DOCK3: variants seen among roughly 807,000 people sequenced by gnomAD.
The protein encoded by DOCK3 is dedicator of cytokinesis protein 3.
Under a neutral mutation model 265.6 loss-of-function variants are expected in DOCK3, and 60 were observed. That is an observed-to-expected ratio of 0.23 (90% CI 0.18 to 0.28). The LOEUF is 0.28. Ranked by LOEUF, DOCK3 falls within the 10% of genes least tolerant of loss-of-function variation. The pLI, the probability that DOCK3 is intolerant of heterozygous loss-of-function variation, is 1.00. For synonymous variants in DOCK3, 881 were observed against 938.0 expected, an observed-to-expected ratio of 0.94 and a Z score of 1.11; for missense variants, 1,981 against 2,594.3, an observed-to-expected ratio of 0.76 and a Z score of 5.14.
chr3:50,848,329 G>A (rs570440235), intron 3 of DOCK3, among the ~76,000 whole-genome samples: 1 of 152,268 alleles, frequency 6.6e-6, no homozygotes, highest in African/African-American at 2.4e-5. Flanking sequence ...GCGATGTTTT[G>A]ATCCTATCGT....
At chr3:50,907,986 A>G (rs1418879331) in intron 4 of DOCK3, among the ~76,000 whole-genome samples, 1 of 151,934 alleles carries the variant, frequency 6.6e-6, no homozygotes, top group African/African-American at 2.4e-5. Context: ...CATTTCTTCT[A>G]GATTTTCTAG....
intron 24 of DOCK3, 50 bp from the exon 25 acceptor site, chr3:51,275,029 T>C: frequency 6.2e-7 from 1 of 1,611,070 alleles, no homozygotes; most frequent in Non-Finnish European, 8.5e-7. Context: ...CTTCCTGCAG[T>C]AGCTAGTTCT....
intron 2 of DOCK3, among the ~76,000 whole-genome samples, chr3:50,805,543 G>C (rs2106662266): frequency 6.6e-6 from 1 of 152,328 alleles, no homozygotes; most frequent in South Asian, 2.1e-4. Flanking sequence ...GCACACCGCT[G>C]CTTAGCTGAC....
At chr3:51,294,474 C>T (rs1217688585) in intron 27 of DOCK3, among the ~76,000 whole-genome samples, 8 of 151,902 alleles carry the variant, frequency 5.3e-5, no homozygotes, top group Admixed American at 1.3e-4. Flanking sequence ...GTCAGGAGAT[C>T]GAGACCATCC....
intron 23 of DOCK3, among the ~76,000 whole-genome samples, chr3:51,268,309 CAG>C (rs2080309774): frequency 1.3e-5 from 2 of 152,146 alleles, no homozygotes; most frequent in South Asian, 4.1e-4. Flanking sequence ...GCCTGGGCAA[CAG>C]AGTGAAACTC....
chr3:51,087,765 A>C (rs1291485717), intron 7 of DOCK3, among the ~76,000 whole-genome samples: 1 of 152,108 alleles, frequency 6.6e-6, no homozygotes, highest in African/African-American at 2.4e-5. Flanking sequence ...TAGAACTGAT[A>C]TACTGATATA....
chr3:50,980,602 T>C (rs1268940278), intron 5 of DOCK3, among the ~76,000 whole-genome samples: 1 of 152,178 alleles, frequency 6.6e-6, no homozygotes, highest in East Asian at 1.9e-4. Flanking sequence ...CTTTTCCTTA[T>C]TGGGATACTT....
chr3:51,214,835 G>T (rs1307488822), intron 14 of DOCK3, among the ~76,000 whole-genome samples: 2 of 152,130 alleles, frequency 1.3e-5, no homozygotes, highest in African/African-American at 4.8e-5. Flanking sequence ...CAGAAATTGG[G>T]AATGCATTGA....
At chr3:50,900,912 T>A (rs992320291) in intron 4 of DOCK3, 1 of 431,844 alleles carries the variant, frequency 2.3e-6, no homozygotes, top group Non-Finnish European at 4.6e-6. Context: ...TGTCTGTCGC[T>A]CCCTGTTGGG....
intron 1 of DOCK3, among the ~76,000 whole-genome samples, chr3:50,723,229 AC>A (rs1234836846): frequency 6.6e-6 from 1 of 152,210 alleles, no homozygotes; most frequent in African/African-American, 2.4e-5. Context: ...CATAGAGATT[AC>A]CCATACCAAA....
At chr3:51,285,656 C>A (rs2081363427) in intron 27 of DOCK3, among the ~76,000 whole-genome samples, 1 of 151,786 alleles carries the variant, frequency 6.6e-6, no homozygotes, top group African/African-American at 2.4e-5. Flanking sequence ...AGGGTAAGGC[C>A]AGGTGCAGTG....
intron 3 of DOCK3, among the ~76,000 whole-genome samples, chr3:50,865,206 T>C (rs1418420872): frequency 1.3e-5 from 2 of 152,194 alleles, no homozygotes; most frequent in Non-Finnish European, 2.9e-5. Context: ...TTATTGACTG[T>C]AGTCACCATG....
chr3:51,255,329 C>CT (rs2079486146), intron 22 of DOCK3, among the ~76,000 whole-genome samples: 2 of 152,170 alleles, frequency 1.3e-5, no homozygotes, highest in Non-Finnish European at 2.9e-5. Flanking sequence ...TTTGGTGAAT[C>CT]TGACAGTTAT....
intron 35 of DOCK3, among the ~76,000 whole-genome samples, chr3:51,335,419 C>T (rs891473728): frequency 1.4e-4 from 21 of 152,244 alleles, no homozygotes; most frequent in African/African-American, 4.8e-4. Flanking sequence ...GAGTGGTCTT[C>T]CAACTCACCC....
At chr3:50,753,351 C>CT (rs200164402) in intron 1 of DOCK3, among the ~76,000 whole-genome samples, 5 of 150,810 alleles carry the variant, frequency 3.3e-5, no homozygotes, top group African/African-American at 4.9e-5. Flanking sequence ...GTGAATTTTT[C>CT]TTTTTTTTTG....
chr3:50,890,448 G>A (rs1230489612), intron 4 of DOCK3, among the ~76,000 whole-genome samples: 1 of 151,870 alleles, frequency 6.6e-6, no homozygotes, highest in Admixed American at 6.6e-5. Context: ...TTTGCAAGTT[G>A]AAATTGAAAA....
At chr3:51,102,455 G>A (rs187753944) in intron 9 of DOCK3, among the ~76,000 whole-genome samples, 3 of 152,280 alleles carry the variant, frequency 2.0e-5, no homozygotes, top group Admixed American at 2.0e-4. Context: ...ACAAAGTCTG[G>A]ATCAGTATAT....
intron 5 of DOCK3, among the ~76,000 whole-genome samples, chr3:51,016,624 TATA>T (rs1347317012): frequency 2.7e-5 from 1 of 36,638 alleles, no homozygotes; most frequent in Non-Finnish European, 4.1e-5. Flanking sequence ...TATTTATATA[TATA>T]ATATATATGA....
At chr3:50,740,843 A>T (rs1260773978) in intron 1 of DOCK3, among the ~76,000 whole-genome samples, 1 of 152,158 alleles carries the variant, frequency 6.6e-6, no homozygotes, top group African/African-American at 2.4e-5. Context: ...TATATATAAC[A>T]TAAAGTGACC....
Sources: allele counts gnomAD v4.1 joint callset (sites outside exome capture counted in the v4.1 genomes callset), GRCh38; gene constraint gnomAD v4.1.1; transcripts MANE v1.5; gene names NCBI Gene and HGNC (gene_info 2026-07-23, HGNC 2026-07-21).